The following FADS1 variants were observed in gnomAD, a reference collection of about 807,000 sequenced individuals.
FADS1 encodes the protein acyl-CoA (8-3)-desaturase.
FADS1 carries 17 observed loss-of-function variants against 61.6 expected under a neutral mutation model. The observed-to-expected ratio is 0.28, with a 90% confidence interval of 0.19 to 0.41. The LOEUF is 0.41. Among genes scored for constraint, FADS1 ranks in the 10% least tolerant of loss-of-function variants. The pLI, the probability that FADS1 is intolerant of heterozygous loss-of-function variation, is 1.00. For missense variants in FADS1, 387 were observed against 650.9 expected, an observed-to-expected ratio of 0.59 and a Z score of 4.41; for synonymous variants, 238 against 258.7, an observed-to-expected ratio of 0.92 and a Z score of 0.77.
At chr11:61,814,662 G>A (rs1366457344) in intron 1 of FADS1, 4 of 152,166 alleles carry the variant, frequency 2.6e-5, no homozygotes, top group Admixed American at 2.6e-4. Context: ...CAGCTGGCTG[G>A]GGTGGCCAGC....
intron 1 of FADS1, 61 bp from the exon 2 acceptor site, chr11:61,813,414 T>A: frequency 1.0e-6 from 1 of 998,524 alleles, no homozygotes; most frequent in Non-Finnish European, 1.6e-6. Flanking sequence ...CCGGCAGTGT[T>A]CGCACCAAAG....
Position 61,816,640 on chromosome 11 carries a change from C to T in FADS1, c.290G>A (p.Arg97His). Residue 97 changes from arginine to histidine, a missense_variant, in exon 1 of 12, where the codon CGT (arginine) becomes CAT (histidine). Physicochemically the swap from Arg to His is conservative, Grantham distance 29 (BLOSUM62 0). This residue lies in a region of FADS1 where 257 missense variants were observed against 533.3 expected (regional missense o/e 0.48). Coordinates refer to ENST00000350997, the MANE Select transcript of FADS1 (RefSeq NM_013402.7). The surrounding 1 kb of genome is among the most constrained non-coding windows in gnomAD (Gnocchi z 7.0). ...GCEERWLVID[R>H]KVYNISEFTR... ...GAACTCGCTGATGTTGTACACCTTA[C>T]GGTCGATCACTAGCCACCGCTCCTC... 1 of 1,603,854 alleles carries T rather than the reference C, an allele frequency of 6.2e-7. No homozygotes were observed. Among genetic ancestry groups the T allele is most frequent in the Non-Finnish European group, 8.5e-7 (1 of 1,176,062 alleles).
intron 3 of FADS1, 132 bp from the exon 4 acceptor site, chr11:61,811,207 A>C (rs2066928553): frequency 1.5e-6 from 1 of 658,580 alleles, no homozygotes; most frequent in African/African-American, 1.8e-5. Context: ...GGAGTCAGGA[A>C]ACATGGGTCC....
chr11:61,816,958 G>A lies in FADS1; in HGVS notation c.-29C>T, dbSNP rs1467612780. 7.3e-7 allele frequency: 1 copy of A among 1,373,160 alleles called. No homozygotes were observed. The highest frequency in any genetic ancestry group is 3.1e-5 in the East Asian group (1 of 32,776). The allele number at this position is 1,373,160 out of a possible 1,614,324, so 85.1% of individuals were successfully genotyped here. On this transcript the variant is annotated 5_prime_UTR_variant, in exon 1 of 12. Transcript: ENST00000350997. This position sits in a 1 kb window ranked among gnomAD's most constrained non-coding sequence, Gnocchi z 7.0. ...CCGAGCCTCGTGGCGCGGGGAGCGAGATCCCGTCCCCCGGTGGGTCTTGGG... is the reference window on the plus strand; with the variant it reads ...CCGAGCCTCGTGGCGCGGGGAGCGAAATCCCGTCCCCCGGTGGGTCTTGGG...
chr11:61,816,147 A>G lies in FADS1; in HGVS notation c.375+408T>C. ...TGCGCTGCCTCTCCTAGCCATCGAGACAGGATGTGACTCCCTCCCCTGGCC... is the reference window on the plus strand; with the variant it reads ...TGCGCTGCCTCTCCTAGCCATCGAGGCAGGATGTGACTCCCTCCCCTGGCC... On this transcript the variant is annotated intron_variant, in intron 1 of 11. Coordinates refer to ENST00000350997, the MANE Select transcript of FADS1 (RefSeq NM_013402.7). This position sits in a 1 kb window ranked among gnomAD's most constrained non-coding sequence, Gnocchi z 7.0. 1 of 956,352 alleles carries G rather than the reference A, an allele frequency of 1.0e-6. No individual in the cohort carries two copies. The highest frequency in any genetic ancestry group is 1.5e-6 in the Non-Finnish European group (1 of 653,808). The allele number at this position is 956,352 out of a possible 1,614,324, so 59.2% of individuals were successfully genotyped here. A position where few individuals can be genotyped will look rare whatever the true frequency, so the allele number is the denominator to read the frequency against.
rs1363378088 is a variant in FADS1 at position 61,801,490 on chromosome 11, T to C, written c.*921A>G. 6.6e-6 allele frequency: 1 copy of C among 152,358 alleles called. No homozygotes were observed. Among genetic ancestry groups the C allele is most frequent in the Admixed American group, 6.5e-5 (1 of 15,286 alleles). The allele number at this position is 152,358 out of a possible 1,614,324, so 9.4% of individuals were successfully genotyped here. On this transcript the variant is annotated 3_prime_UTR_variant, in exon 12 of 12. Coordinates refer to ENST00000350997, the MANE Select transcript of FADS1 (RefSeq NM_013402.7). The stretch of plus-strand genomic sequence containing the variant: ...GAGCTTTTTAAATAGCCAGCAACTC[T>C]CTCTACCATCTGTTTTGGTAAGAGC...
rs765714214 is a variant in FADS1, at chr11:61,803,652, G to A, written c.1151+18C>T. 43 of 1,585,484 alleles carry A rather than the reference G, an allele frequency of 2.7e-5. No homozygotes were observed. The Middle Eastern group carries it at 6.6e-4, about 24-fold the overall frequency. On this transcript the variant is annotated intron_variant, in intron 8 of 11. Transcript: ENST00000350997. The surrounding 1 kb of genome is among the most constrained non-coding windows in gnomAD (Gnocchi z 4.3). ...ACATTTCCTTCACCAGTCCCTATCC[G>A]CCCCCACCGAATACTACCTGACTAT...
Position 61,802,180 on chromosome 11 carries a change from C to G in FADS1, c.*231G>C, listed in dbSNP as rs1034009553. 8.9e-6 allele frequency: 5 copies of G among 560,738 alleles called. No homozygotes were observed. In the African/African-American group the frequency reaches 9.4e-5, roughly 11 times the overall value. The allele number at this position is 560,738 out of a possible 1,614,324, so 34.7% of individuals were successfully genotyped here. On this transcript the variant is annotated 3_prime_UTR_variant, in exon 12 of 12. Transcript: ENST00000350997. The surrounding 1 kb of genome is among the most constrained non-coding windows in gnomAD (Gnocchi z 4.2). ...ACTAGAAAAAGGAAATAATTTACACCCCTGCCCCAACAGCTCCTTCCCTCC... is the reference window on the plus strand; with the variant it reads ...ACTAGAAAAAGGAAATAATTTACACGCCTGCCCCAACAGCTCCTTCCCTCC...
At chr11:61,804,435 C>T in intron 7 of FADS1, 1 of 454,288 alleles carries the variant, frequency 2.2e-6, no homozygotes, top group Non-Finnish European at 3.9e-6. Flanking sequence ...AACTCAGCCC[C>T]CTGGCATTAT....
At position 61,816,030 on chromosome 11, in the gene FADS1, G is replaced by C. The variant is rs2066978323; in HGVS notation, c.375+525C>G. On this transcript the variant is annotated intron_variant, in intron 1 of 11. Coordinates refer to ENST00000350997, the MANE Select transcript of FADS1 (RefSeq NM_013402.7). The surrounding 1 kb of genome is among the most constrained non-coding windows in gnomAD (Gnocchi z 7.0). The stretch of plus-strand genomic sequence containing the variant: ...AGGCAGCGGTCTCCCCAAGCTTCCC[G>C]TTTCAGCCCCATCCTCGAGAATGGG... The C allele has an allele frequency of 1.8e-6, 1 of 557,686 alleles. No homozygotes were observed. Among genetic ancestry groups the C allele is most frequent in the Non-Finnish European group, 3.2e-6 (1 of 312,636 alleles). 34.5% of individuals were successfully genotyped at this position (557,686 alleles called of 1,614,324 possible).
At chr11:61,806,383 A>G (rs1161358222) in intron 6 of FADS1, 4 of 456,330 alleles carry the variant, frequency 8.8e-6, no homozygotes, top group African/African-American at 7.8e-5. Context: ...TTGAGGATAA[A>G]GCAAGAGGCC....
chr11:61,806,272 G>A (rs1419661071), intron 6 of FADS1: 15 of 166,102 alleles, frequency 9.0e-5, no homozygotes, highest in East Asian at 1.6e-4. Context: ...CCCGGGAAGC[G>A]GAGAGCTTGC....
rs1387488411 is a variant in FADS1 at position 61,806,724 on chromosome 11, G to T, written c.916C>A (p.Leu306Ile). ...FALGKILSVELGKQKKKYMPY... is the reference protein window; with the variant it reads ...FALGKILSVEIGKQKKKYMPY... ...ATATATTTTTTCTTCTGTTTCCCAA[G>T]CTGTGAAGAAAAGCAAACACATGAG... The change falls in exon 6 of 12, where the codon CTT becomes ATT. Residue 306 changes from leucine (L) to isoleucine (I), a missense_variant and splice_region_variant. This residue lies in a region of FADS1 where 257 missense variants were observed against 533.3 expected (regional missense o/e 0.48). Transcript: ENST00000350997. 2.5e-6 allele frequency: 4 copies of T among 1,614,030 alleles called. No individual in the cohort carries two copies.
Position 61,802,997 on chromosome 11 carries a change from C to G in FADS1, c.1328+35G>C. ...CACCTGTACCCAACACTTACACCCT[C>G]CCCAGGACCCTGCTTCCCCAGGCTC... On this transcript the variant is annotated intron_variant, in intron 10 of 11. Coordinates refer to ENST00000350997, the MANE Select transcript of FADS1 (RefSeq NM_013402.7). This position sits in a 1 kb window ranked among gnomAD's most constrained non-coding sequence, Gnocchi z 4.2. 1 of 1,613,976 alleles carries G rather than the reference C, an allele frequency of 6.2e-7. No individual in the cohort carries two copies. The highest frequency in any genetic ancestry group is 8.5e-7 in the Non-Finnish European group (1 of 1,179,876).
chr11:61,807,721 G>A (rs2066903185), intron 5 of FADS1, among the ~76,000 whole-genome samples: 1 of 152,162 alleles, frequency 6.6e-6, no homozygotes, highest in African/African-American at 2.4e-5. Context: ...AAGTTCTGCT[G>A]TCTCACTCCA....
chr11:61,810,774 A>G lies in FADS1; in HGVS notation c.892T>C (p.Leu298=), dbSNP rs551159586. ...DINMHPFFFA[L]GKILSVELGK... ...ACCTCCACAGAGAGGATCTTCCCCA[A>G]GGCAAAGAAGAAGGGATGCATGTTG... Residue 298 remains leucine, a synonymous_variant, in exon 5 of 12, where the codon TTG becomes CTG. Transcript: ENST00000350997. 4 of 1,614,114 alleles carry G rather than the reference A, an allele frequency of 2.5e-6. No homozygotes were observed. The East Asian group carries it at 8.9e-5, about 36-fold the overall frequency.
chr11:61,816,209 G>C lies in FADS1; in HGVS notation c.375+346C>G. The C allele has an allele frequency of 6.4e-7, 1 of 1,561,294 alleles. No homozygotes were observed. Among genetic ancestry groups the C allele is most frequent in the Non-Finnish European group, 8.6e-7 (1 of 1,156,070 alleles). ...CCCTCCCCAGGCGGCCTGCATCCTTGCTCTCCTCCCTCCTAGCCTACCCAG... is the reference window on the plus strand; with the variant it reads ...CCCTCCCCAGGCGGCCTGCATCCTTCCTCTCCTCCCTCCTAGCCTACCCAG... On this transcript the variant is annotated intron_variant, in intron 1 of 11. Transcript: ENST00000350997. The surrounding 1 kb of genome is among the most constrained non-coding windows in gnomAD (Gnocchi z 7.0).
At chr11:61,809,167 C>G (rs1057139927) in intron 5 of FADS1, among the ~76,000 whole-genome samples, 6 of 152,268 alleles carry the variant, frequency 3.9e-5, no homozygotes, top group African/African-American at 1.4e-4. Flanking sequence ...AATGTTCCTT[C>G]CCTGAATTTT....
intron 5 of FADS1, 77 bp from the exon 6 acceptor site, chr11:61,806,801 G>A: frequency 1.5e-6 from 2 of 1,377,072 alleles, no homozygotes; most frequent in Non-Finnish European, 2.1e-6. Context: ...TCCTTGCTTG[G>A]AGGTTTAGGC....
Sources: gnomAD v4.1 joint callset for allele counts (sites outside exome capture counted in the v4.1 genomes callset) on GRCh38, gnomAD v4.1.1 for gene constraint, gnomAD v4.1.1 regional missense constraint, Gnocchi (gnomAD v3.1) non-coding constraint, MANE v1.5 for transcripts, NCBI Gene and HGNC (gene_info 2026-07-23, HGNC 2026-07-21) for gene names.